SLC6A12: variants seen among roughly 807,000 people sequenced by gnomAD.
The protein encoded by SLC6A12 is solute carrier family 6 member 12.
In SLC6A12, 50 loss-of-function variants were observed where a neutral mutation model predicts 73.3. That is an observed-to-expected ratio of 0.68 (90% CI 0.54 to 0.86). The LOEUF (loss-of-function observed/expected upper bound fraction) is 0.86. SLC6A12 is among the 40% of genes least tolerant of loss of function. SLC6A12 has a pLI of 0.00. For synonymous variants in SLC6A12, 304 were observed against 309.2 expected, an observed-to-expected ratio of 0.98 and a Z score of 0.18; for missense variants, 648 against 772.8, an observed-to-expected ratio of 0.84 and a Z score of 1.92.
At chr12:200,106 C>CTTTTTT (rs33929668) in intron 7 of SLC6A12, among the ~76,000 whole-genome samples, 2 of 104,550 alleles carry the variant, frequency 1.9e-5, no homozygotes, top group Admixed American at 1.1e-4. Context: ...CCTGAATATT[C>CTTTTTT]TTTTTTTTTT....
chr12:209,384 A>T (rs1940809986), intron 3 of SLC6A12, among the ~76,000 whole-genome samples: 1 of 152,090 alleles, frequency 6.6e-6, no homozygotes, highest in African/African-American at 2.4e-5. Context: ...CCTCCCACGG[A>T]GGGTGGCACA....
Position 204,789 on chromosome 12 carries a change from C to T in SLC6A12, c.215-91G>A, listed in dbSNP as rs571505294. ...ACCCTCCTCCCCCAACAAACCCGCC[C>T]TCCACCATCCTGTTCTTAATCTCCC... On this transcript the variant is annotated intron_variant, in intron 3 of 15. Coordinates refer to ENST00000684302, the MANE Select transcript of SLC6A12 (RefSeq NM_001122848.3). 1.0e-4 allele frequency: 146 copies of T among 1,415,722 alleles called. 1 individual carries two copies. The East Asian group carries it at 3.4e-3, about 33-fold the overall frequency. 87.7% of individuals were successfully genotyped at this position (1,415,722 alleles called of 1,614,324 possible). A position where few individuals can be genotyped will look rare whatever the true frequency, so the allele number is the denominator to read the frequency against.
At chr12:185,902 T>TG (rs1460623408), downstream of SLC6A12, among the ~76,000 whole-genome samples, 1 of 152,242 alleles carries the variant, frequency 6.6e-6, no homozygotes, top group African/African-American at 2.4e-5. Context: ...GCTGCATCAA[T>TG]GGGTGGTTAA....
chr12:195,220 C>T lies in SLC6A12; in HGVS notation c.1429+5G>A, dbSNP rs1297259456. 2 of 1,580,258 alleles carry T rather than the reference C, an allele frequency of 1.3e-6. No homozygotes were observed. Among genetic ancestry groups the T allele is most frequent in the South Asian group, 1.1e-5 (1 of 90,216 alleles). On this transcript the variant is annotated splice_donor_5th_base_variant and intron_variant, in intron 13 of 15. Transcript: ENST00000684302. Reference sequence around the variant, plus strand: ...TGCTTTCCCACCCCACTCCACCCCACTCACCATACACCCAGCTTATGCAGA... The same window carrying T: ...TGCTTTCCCACCCCACTCCACCCCATTCACCATACACCCAGCTTATGCAGA...
intron 4 of SLC6A12, 44 bp downstream of exon 4, chr12:204,520 A>C: frequency 6.3e-7 from 1 of 1,599,810 alleles, no homozygotes; most frequent in Non-Finnish European, 8.6e-7. Flanking sequence ...GGATGCAGGC[A>C]AGATGGCGGC....
intron 10 of SLC6A12, among the ~76,000 whole-genome samples, 185 bp downstream of exon 10, chr12:197,192 T>TCTA (rs1939957604): frequency 1.8e-5 from 1 of 54,864 alleles, no homozygotes; most frequent in Non-Finnish European, 4.3e-5. Context: ...CATCCATCCA[T>TCTA]CCATTCATCC....
Position 197,888 on chromosome 12 carries a change from C to G in SLC6A12, c.950+12G>C, listed in dbSNP as rs199636616. On this transcript the variant is annotated intron_variant, in intron 9 of 15. Transcript: ENST00000684302. Reference sequence around the variant, plus strand: ...CCCTCCTTCACCCCACCCCGGCCCACGCTGTTCTCACTTGTAGCAGTTGTT... The same window carrying G: ...CCCTCCTTCACCCCACCCCGGCCCAGGCTGTTCTCACTTGTAGCAGTTGTT... The G allele has an allele frequency of 1.3e-6, 2 of 1,574,996 alleles. No individual in the cohort carries two copies. Among genetic ancestry groups the G allele is most frequent in the Admixed American group, 1.7e-5 (1 of 59,832 alleles).
At chr12:195,463 G>C in intron 12 of SLC6A12, 136 bp from the exon 13 acceptor site, 1 of 648,766 alleles carries the variant, frequency 1.5e-6, no homozygotes, top group Non-Finnish European at 2.8e-6. Context: ...CATCTCAAAG[G>C]AGTTTGCCCT....
chr12:186,359 C>T (rs478520), downstream of SLC6A12, among the ~76,000 whole-genome samples: 14,173 of 152,196 alleles, frequency 0.093, 2,180 homozygotes, highest in African/African-American at 0.32. Flanking sequence ...GAAGGAACTG[C>T]AAGCAATTGG....
intron 7 of SLC6A12, among the ~76,000 whole-genome samples, chr12:200,115 T>C (rs1940132870): frequency 6.8e-6 from 1 of 146,662 alleles, no homozygotes; most frequent in African/African-American, 2.5e-5. Context: ...TCTTTTTTTT[T>C]TTTTTTTTTT....
At chr12:185,522 A>C (rs1939416316), downstream of SLC6A12, among the ~76,000 whole-genome samples, 1 of 152,198 alleles carries the variant, frequency 6.6e-6, no homozygotes, top group African/African-American at 2.4e-5. Context: ...CTTGGGCAGA[A>C]AAAGCCTCAG....
chr12:184,573 AC>A, the SLC6A12 span, among the ~76,000 whole-genome samples: 2 of 152,098 alleles, frequency 1.3e-5, no homozygotes, highest in Non-Finnish European at 2.9e-5. Flanking sequence ...ACACGGTGAA[AC>A]CCCATCTCTA....
At position 198,905 on chromosome 12, in the gene SLC6A12, C is replaced by G; in HGVS notation, c.738G>C (p.Pro246=). The change falls in exon 8 of 16, where the codon CCG becomes CCC. Residue 246 remains proline (P), a synonymous_variant. Coordinates refer to ENST00000684302, the MANE Select transcript of SLC6A12 (RefSeq NM_001122848.3). This position sits in a 1 kb window ranked among gnomAD's most constrained non-coding sequence, Gnocchi z 4.0. The part of the protein sequence containing the change: ...GKVVYFTATF[P]YLMLVILLIR... ...TCAGCAAAATGACAAGCATCAGGTA[C>G]GGAAACGTGGCTGTGAAATAAACCA... The G allele has an allele frequency of 6.2e-7, 1 of 1,614,118 alleles. No individual in the cohort carries two copies. Among genetic ancestry groups the G allele is most frequent in the Non-Finnish European group, 8.5e-7 (1 of 1,180,000 alleles).
At position 204,705 on chromosome 12, in the gene SLC6A12, A is replaced by AAG. The variant is rs749988385; in HGVS notation, c.215-9_215-8dup. 3 of 1,613,710 alleles carry AAG rather than the reference A, an allele frequency of 1.9e-6. No homozygotes were observed. Among genetic ancestry groups the AAG allele is most frequent in the Non-Finnish European group, 2.5e-6 (3 of 1,179,968 alleles). ...TAGGGGATGAAGAAGGCTCCTGCAGAAGAGAGAGAGGCAGGGCTGAGCCAC... is the reference window on the plus strand; with the variant it reads ...TAGGGGATGAAGAAGGCTCCTGCAGAAGAGAGAGAGAGGCAGGGCTGAGCCAC... On this transcript the variant is annotated splice_polypyrimidine_tract_variant and splice_region_variant and intron_variant, in intron 3 of 15. Coordinates refer to ENST00000684302, the MANE Select transcript of SLC6A12 (RefSeq NM_001122848.3).
intron 11 of SLC6A12, 57 bp from the exon 12 acceptor site, chr12:196,318 G>T: frequency 6.4e-7 from 1 of 1,563,118 alleles, no homozygotes; most frequent in Middle Eastern, 2.0e-4. Flanking sequence ...TTGGCCACCA[G>T]CCCTGGCCTC....
At chr12:197,647 G>A (rs1202255166) in intron 9 of SLC6A12, 146 bp from the exon 10 acceptor site, 2 of 877,348 alleles carry the variant, frequency 2.3e-6, no homozygotes, top group African/African-American at 1.7e-5. Context: ...GAGGAGGGGA[G>A]GAAGGGAAGA....
At chr12:200,396 C>T (rs552398887) in intron 7 of SLC6A12, among the ~76,000 whole-genome samples, 1 of 152,312 alleles carries the variant, frequency 6.6e-6, no homozygotes, top group African/African-American at 2.4e-5. Context: ...GCGTGAGCCA[C>T]TGCACCCGGC....
intron 10 of SLC6A12, among the ~76,000 whole-genome samples, chr12:197,098 C>CATCT (rs1565468896): frequency 8.0e-4 from 24 of 29,816 alleles, no homozygotes; most frequent in African/African-American, 1.2e-3. Flanking sequence ...TCCATCCATC[C>CATCT]ATCCATCCAT....
At chr12:187,607 A>AAAAAACAAAAAAC (rs1939456913), downstream of SLC6A12, among the ~76,000 whole-genome samples, 1 of 15,844 alleles carries the variant, frequency 6.3e-5, no homozygotes, top group Non-Finnish European at 4.9e-4. Context: ...AAAAAAAAAA[A>AAAAAACAAAAAAC]AAAAAAAAAA....
Sources: gnomAD v4.1 joint callset for allele counts (sites outside exome capture counted in the v4.1 genomes callset) on GRCh38, gnomAD v4.1.1 for gene constraint, Gnocchi (gnomAD v3.1) non-coding constraint, MANE v1.5 for transcripts, NCBI Gene and HGNC (gene_info 2026-07-23, HGNC 2026-07-21) for gene names.